PACRG: variants seen among roughly 807,000 people sequenced by gnomAD.
PACRG encodes the protein parkin coregulated gene protein.
A neutral mutation model predicts 29.7 loss-of-function variants in PACRG; 29 were observed. That is an observed-to-expected ratio of 0.98 (90% confidence interval 0.73 to 1.33). The LOEUF is 1.33. PACRG is among the 40% of genes most tolerant of loss of function. The probability of loss-of-function intolerance (pLI) is 0.00; values close to 1 mark genes in which losing one functional copy is unlikely to be tolerated. For synonymous variants in PACRG, 116 were observed against 118.7 expected (o/e 0.98, Z 0.15); for missense variants, 279 against 316.2 (o/e 0.88, Z 0.89).
intron 3 of PACRG, among the ~76,000 whole-genome samples, chr6:163,073,543 C>T (rs1812269198): frequency 6.6e-6 from 1 of 152,086 alleles, no homozygotes; most frequent in Non-Finnish European, 1.5e-5. Flanking sequence ...TTGAACAATA[C>T]CTGACAAGCA....
intron 2 of PACRG, among the ~76,000 whole-genome samples, chr6:163,021,446 C>T (rs1236115067): frequency 6.6e-6 from 1 of 152,182 alleles, no homozygotes; most frequent in African/African-American, 2.4e-5. Context: ...TCTGTGCCTT[C>T]CCATCCTACT....
intron 4 of PACRG, among the ~76,000 whole-genome samples, chr6:163,092,816 A>AT (rs1189295672): frequency 6.6e-6 from 1 of 152,238 alleles, no homozygotes. Flanking sequence ...TATTATATAC[A>AT]TACAATAGTA....
At chr6:163,036,106 C>G (rs974121269) in intron 2 of PACRG, among the ~76,000 whole-genome samples, 1 of 152,192 alleles carries the variant, frequency 6.6e-6, no homozygotes, top group Non-Finnish European at 1.5e-5. Context: ...CTCAGATCTG[C>G]TGAATTGATC....
At chr6:163,052,095 GAAA>G (rs775403106) in intron 2 of PACRG, 8 of 152,050 alleles carry the variant, frequency 5.3e-5, no homozygotes, top group Non-Finnish European at 1.2e-4. Flanking sequence ...ACACGTATTT[GAAA>G]AATAATAGTA....
At chr6:163,096,498 G>A (rs1413876055) in intron 4 of PACRG, among the ~76,000 whole-genome samples, 2 of 151,432 alleles carry the variant, frequency 1.3e-5, no homozygotes, top group Admixed American at 6.6e-5. Flanking sequence ...GCACTGAGGC[G>A]CAAAGGCTCC....
chr6:163,246,076 C>G (rs556523290), intron 4 of PACRG, among the ~76,000 whole-genome samples: 3 of 152,174 alleles, frequency 2.0e-5, no homozygotes, highest in Admixed American at 2.0e-4. Flanking sequence ...CACTCAGTAG[C>G]CAGAATGGTC....
intron 2 of PACRG, among the ~76,000 whole-genome samples, chr6:163,010,093 A>G (rs1805470170): frequency 6.6e-6 from 1 of 152,166 alleles, no homozygotes; most frequent in Admixed American, 6.5e-5. Flanking sequence ...AGTAAAAATA[A>G]AACTGCGATT....
intron 3 of PACRG, among the ~76,000 whole-genome samples, chr6:163,085,100 TAGGC>T (rs1813439315): frequency 6.6e-6 from 1 of 152,042 alleles, no homozygotes; most frequent in Non-Finnish European, 1.5e-5. Flanking sequence ...TTACCTTCCA[TAGGC>T]TCTCCTACTT....
chr6:163,288,121 A>G (rs1425072096), intron 4 of PACRG, among the ~76,000 whole-genome samples: 1 of 152,236 alleles, frequency 6.6e-6, no homozygotes, highest in Non-Finnish European at 1.5e-5. Flanking sequence ...GCAGAAGCTC[A>G]GTGAGATTCT....
At chr6:163,183,453 T>A (rs1405927848) in intron 4 of PACRG, 1 of 152,154 alleles carries the variant, frequency 6.6e-6, no homozygotes, top group Non-Finnish European at 1.5e-5. Context: ...ACAAAACAGA[T>A]GAAGAGTGTG....
At chr6:162,975,460 G>A (rs1801870297) in intron 2 of PACRG, among the ~76,000 whole-genome samples, 1 of 152,168 alleles carries the variant, frequency 6.6e-6, no homozygotes, top group East Asian at 1.9e-4. Context: ...TCCTTGTACA[G>A]GATATCTGCT....
At chr6:162,760,884 G>A (rs1584267221) in intron 1 of PACRG, among the ~76,000 whole-genome samples, 1 of 152,110 alleles carries the variant, frequency 6.6e-6, no homozygotes, top group African/African-American at 2.4e-5. Flanking sequence ...TTTTTGCAGT[G>A]GTTGAGGCAA....
chr6:162,847,344 A>G (rs889382508), intron 2 of PACRG, among the ~76,000 whole-genome samples: 3 of 152,138 alleles, frequency 2.0e-5, no homozygotes, highest in African/African-American at 7.2e-5. Context: ...CACTCTGTTG[A>G]AGTCATATTC....
chr6:163,208,654 T>C (rs1781007911), intron 4 of PACRG, among the ~76,000 whole-genome samples: 1 of 152,234 alleles, frequency 6.6e-6, no homozygotes, highest in Non-Finnish European at 1.5e-5. Flanking sequence ...AAAAGAATGC[T>C]CAAATATTAC....
chr6:163,307,087 T>G lies in PACRG; in HGVS notation c.614-7740T>G, dbSNP rs142357275. Among the ~76,000 whole-genome samples, 592 of 152,314 alleles carry G rather than the reference T, an allele frequency of 3.9e-3. 3 individuals are homozygous for G. The highest frequency in any genetic ancestry group is 0.013 in the African/African-American group (546 of 41,578). ...TGATCCCATTGTTAGTGTTGTACAT[T>G]TCATAGATAAATGAATCTACTTTGC... On this transcript the variant is annotated intron_variant, in intron 4 of 4. Coordinates refer to ENST00000366888, the MANE Select transcript of PACRG (RefSeq NM_001080379.2).
intron 2 of PACRG, among the ~76,000 whole-genome samples, chr6:162,969,062 A>AAAAAAAAAAAAT (rs1801305945): frequency 6.6e-6 from 1 of 151,352 alleles, no homozygotes; most frequent in Non-Finnish European, 1.5e-5. Context: ...AAAAAAAAAA[A>AAAAAAAAAAAAT]AAAAGTAACA....
At chr6:163,305,911 A>T (rs1785183607) in intron 4 of PACRG, among the ~76,000 whole-genome samples, 1 of 152,232 alleles carries the variant, frequency 6.6e-6, no homozygotes. Context: ...TTCTGTAGGT[A>T]GCAAATGTTC....
intron 2 of PACRG, among the ~76,000 whole-genome samples, chr6:162,873,094 T>C (rs1402205839): frequency 6.6e-6 from 1 of 152,242 alleles, no homozygotes; most frequent in African/African-American, 2.4e-5. Context: ...GCTTGGGCTT[T>C]CTGCCTAATA....
intron 1 of PACRG, among the ~76,000 whole-genome samples, chr6:162,753,905 G>A (rs560864474): frequency 6.6e-6 from 1 of 152,240 alleles, no homozygotes; most frequent in African/African-American, 2.4e-5. Flanking sequence ...TTATAGCAGT[G>A]TGAAAATAGA....
Sources: gnomAD v4.1 joint callset for allele counts (sites outside exome capture counted in the v4.1 genomes callset) on GRCh38, gnomAD v4.1.1 for gene constraint, MANE v1.5 for transcripts, NCBI Gene and HGNC (gene_info 2026-07-23, HGNC 2026-07-21) for gene names.